KIF1B: variants seen among roughly 807,000 people sequenced by gnomAD.
KIF1B encodes the protein kinesin family member 1B, also known as kinesin-like protein KIF1B.
A neutral mutation model predicts 241.9 loss-of-function variants in KIF1B; 76 were observed. The observed-to-expected ratio is 0.31, with a 90% CI of 0.26 to 0.38. KIF1B has a LOEUF of 0.38. Among genes scored for constraint, KIF1B ranks in the 10% least tolerant of loss-of-function variants. The probability of loss-of-function intolerance (pLI) is 1.00; values close to 1 mark genes in which losing one functional copy is unlikely to be tolerated. For synonymous variants in KIF1B, 750 were observed against 796.7 expected (o/e 0.94, Z 0.99); for missense variants, 1,622 against 2,271.4 (o/e 0.71, Z 5.81).
chr1:10,214,985 A>G (rs1646743898), intron 1 of KIF1B, among the ~76,000 whole-genome samples: 2 of 151,402 alleles, frequency 1.3e-5, no homozygotes, highest in Non-Finnish European at 2.9e-5. Flanking sequence ...CAGTCAGAGC[A>G]TTTTCAAAAT....
Position 10,376,614 on chromosome 1 carries a change from C to T in KIF1B, c.*27C>T, listed in dbSNP as rs757443274. The T allele has an allele frequency of 6.2e-7, 1 of 1,607,670 alleles. No individual in the cohort carries two copies. The highest frequency in any genetic ancestry group is 1.3e-5 in the African/African-American group (1 of 74,760). ...TGACTCTGCCGAGTGCCCTCACTCG[C>T]CTTCGAGAGATAAAGAAAGCGTTAC... is the stretch of plus-strand genomic sequence containing the variant. On this transcript the variant is annotated 3_prime_UTR_variant, in exon 49 of 49. Transcript: ENST00000676179.
At chr1:10,218,350 TCA>T (rs1450746103) in intron 1 of KIF1B, among the ~76,000 whole-genome samples, 1 of 152,158 alleles carries the variant, frequency 6.6e-6, no homozygotes, top group Non-Finnish European at 1.5e-5. Flanking sequence ...TGGGCTGGTT[TCA>T]GTCTTCTGAA....
intron 13 of KIF1B, 48 bp downstream of exon 13, chr1:10,278,176 G>A (rs2102225871): frequency 6.3e-7 from 1 of 1,583,876 alleles, no homozygotes; most frequent in East Asian, 2.2e-5. Flanking sequence ...TCTTCTTCAG[G>A]GTTCTTATTC....
Position 10,337,645 on chromosome 1 carries a change from CT to C in KIF1B, c.3422+113del. Reference sequence around the variant, plus strand: ...GGGATTAACACTCTTGAGACAAAGACTGATCAGTCTCTGAAGGAAAATACTT... The same window carrying C: ...GGGATTAACACTCTTGAGACAAAGACGATCAGTCTCTGAAGGAAAATACTT... On this transcript the variant is annotated intron_variant, in intron 31 of 48. Transcript: ENST00000676179. This position sits in a 1 kb window ranked among gnomAD's most constrained non-coding sequence, Gnocchi z 4.0. The C allele has an allele frequency of 8.4e-7, 1 of 1,193,888 alleles. No homozygotes were observed. Among genetic ancestry groups the C allele is most frequent in the South Asian group, 1.3e-5 (1 of 77,220 alleles). The allele number at this position is 1,193,888 out of a possible 1,614,324, so 74.0% of individuals were successfully genotyped here.
chr1:10,296,766 A>G lies in KIF1B; in HGVS notation c.1861+101A>G. 5.1e-6 allele frequency: 7 copies of G among 1,375,786 alleles called. No individual in the cohort carries two copies. The South Asian group carries it at 7.3e-5, about 14-fold the overall frequency. 85.2% of individuals were successfully genotyped at this position (1,375,786 alleles called of 1,614,324 possible). ...AAAGGCTGAAGTAATAGTCAGCATT[A>G]GGATTTTTGTTCTTGTAAAAACAAC... On this transcript the variant is annotated intron_variant, in intron 20 of 48. Transcript: ENST00000676179.
chr1:10,229,867 C>CAAAAAAAAAAAAAAAAAAAAAAAAAA (rs58923572), intron 1 of KIF1B, among the ~76,000 whole-genome samples: 1 of 56,454 alleles, frequency 1.8e-5, no homozygotes, highest in African/African-American at 9.2e-5. Flanking sequence ...GACTCCGTCT[C>CAAAAAAAAAAAAAAAAAAAAAAAAAA]AAAAAAAAAA....
chr1:10,221,626 AATGTGATATAAGGAGGAC>A (rs895607094), intron 1 of KIF1B, among the ~76,000 whole-genome samples: 2 of 152,068 alleles, frequency 1.3e-5, no homozygotes, highest in African/African-American at 4.8e-5. Context: ...AGAGATGCAA[AATGTGATATAAGGAGGAC>A]TTTTTCATAG....
intron 1 of KIF1B, among the ~76,000 whole-genome samples, chr1:10,227,032 CTTTTT>C (rs747870005): frequency 2.2e-4 from 25 of 112,940 alleles, no homozygotes; most frequent in African/African-American, 3.7e-4. Context: ...GCAAGTCTCT[CTTTTT>C]TTTTTTTTTT....
chr1:10,260,790 C>T (rs1206831019), intron 4 of KIF1B, among the ~76,000 whole-genome samples: 2 of 151,340 alleles, frequency 1.3e-5, no homozygotes, highest in Admixed American at 1.3e-4. Context: ...TTGCTTGAAC[C>T]CAGGAGACGG....
At chr1:10,304,179 A>C (rs771391490) in intron 22 of KIF1B, 1 of 1,614,184 alleles carries the variant, frequency 6.2e-7, no homozygotes, top group South Asian at 1.1e-5. Flanking sequence ...AAGCAAGGAA[A>C]GGGAATAAAG....
intron 22 of KIF1B, chr1:10,304,897 T>G: frequency 7.4e-7 from 1 of 1,354,088 alleles, no homozygotes; most frequent in Middle Eastern, 2.9e-4. Context: ...CGTTCCTCCT[T>G]TTTTAGTGCC....
At chr1:10,253,227 A>C (rs1647568248) in intron 2 of KIF1B, among the ~76,000 whole-genome samples, 1 of 152,172 alleles carries the variant, frequency 6.6e-6, no homozygotes, top group East Asian at 1.9e-4. Flanking sequence ...TTGCATCCTG[A>C]ATCTGCCACT....
chr1:10,308,302 A>G, intron 22 of KIF1B: 2 of 1,058,296 alleles, frequency 1.9e-6, no homozygotes, highest in Non-Finnish European at 2.3e-6. Context: ...AATACTGATA[A>G]TTGTCCAGTT....
intron 15 of KIF1B, among the ~76,000 whole-genome samples, chr1:10,290,264 T>G (rs930958706): frequency 1.3e-5 from 2 of 152,144 alleles, no homozygotes; most frequent in Admixed American, 6.5e-5. Flanking sequence ...TATCAACCCG[T>G]TATCTGGGTT....
chr1:10,222,615 A>T (rs1414835281), intron 1 of KIF1B, among the ~76,000 whole-genome samples: 1 of 152,248 alleles, frequency 6.6e-6, no homozygotes, highest in Non-Finnish European at 1.5e-5. Flanking sequence ...TAGATTCCTT[A>T]TAATCCGAAG....
chr1:10,253,049 C>G (rs1647556985), intron 2 of KIF1B, among the ~76,000 whole-genome samples: 1 of 152,112 alleles, frequency 6.6e-6, no homozygotes, highest in Non-Finnish European at 1.5e-5. Flanking sequence ...TAAACAATGC[C>G]TACAGTGTGA....
chr1:10,352,587 T>C, intron 37 of KIF1B, 44 bp from the exon 38 acceptor site: 1 of 1,512,456 alleles, frequency 6.6e-7, no homozygotes, highest in African/African-American at 1.4e-5. Context: ...CATGTTTTGT[T>C]TTCAAATGTG....
At chr1:10,327,877 A>G (rs532307643) in intron 27 of KIF1B, among the ~76,000 whole-genome samples, 2 of 152,338 alleles carry the variant, frequency 1.3e-5, no homozygotes, top group East Asian at 3.9e-4. Context: ...ATTAAAGGAT[A>G]GCGAGTCTCC....
rs961805839 is a variant in KIF1B, at chr1:10,303,007, G to A, written c.2115+5761G>A. On this transcript the variant is annotated intron_variant, in intron 22 of 48. Coordinates refer to ENST00000676179, the MANE Select transcript of KIF1B (RefSeq NM_001365951.3). The surrounding 1 kb of genome is among the most constrained non-coding windows in gnomAD (Gnocchi z 5.2). ...TAATAGACTTCCACATTATTGAGGG[G>A]TTTTTTTTGGTTTTGTTTTGTTTTT... Among the ~76,000 whole-genome samples the A allele has an allele frequency of 6.6e-6, 1 of 151,460 alleles. No individual in the cohort carries two copies. Among genetic ancestry groups the A allele is most frequent in the Admixed American group, 6.6e-5 (1 of 15,188 alleles).
Sources: allele counts gnomAD v4.1 joint callset (sites outside exome capture counted in the v4.1 genomes callset), GRCh38; gene constraint gnomAD v4.1.1; non-coding constraint Gnocchi (gnomAD v3.1); transcripts MANE v1.5; gene names NCBI Gene and HGNC (gene_info 2026-07-23, HGNC 2026-07-21).